The following INVS variants were observed in gnomAD, a reference collection of about 807,000 sequenced individuals.
INVS encodes the protein inversin, also known as inversion of embryo turning homolog.
Under a neutral mutation model 108.8 loss-of-function variants are expected in INVS, and 86 were observed. That is an observed-to-expected ratio of 0.79 (90% CI 0.66 to 0.95). INVS has a LOEUF of 0.95. Among genes scored for constraint, INVS ranks in the 40% least tolerant of loss-of-function variants. The probability of loss-of-function intolerance (pLI) is 0.00; values close to 1 mark genes in which losing one functional copy is unlikely to be tolerated. For missense variants in INVS, 1,169 were observed against 1,297.4 expected (o/e 0.90, Z 1.52); for synonymous variants, 455 against 473.5 (o/e 0.96, Z 0.51).
chr9:100,164,667 G>C (rs1829302214), intron 3 of INVS, among the ~76,000 whole-genome samples: 1 of 151,950 alleles, frequency 6.6e-6, no homozygotes. Context: ...AATCATGATA[G>C]TACTTTTCAA....
At chr9:100,245,507 C>G (rs1266807944) in intron 7 of INVS, among the ~76,000 whole-genome samples, 1 of 152,072 alleles carries the variant, frequency 6.6e-6, no homozygotes, top group Non-Finnish European at 1.5e-5. Flanking sequence ...CTGTCAATCT[C>G]CTGACCTTGT....
intron 3 of INVS, among the ~76,000 whole-genome samples, chr9:100,192,083 C>T (rs897987200): frequency 6.6e-6 from 1 of 152,026 alleles, no homozygotes; most frequent in African/African-American, 2.4e-5. Context: ...CCGCAGCCCA[C>T]CATTTCTTTC....
chr9:100,297,585 C>T (rs1564195696), intron 15 of INVS, among the ~76,000 whole-genome samples: 1 of 152,180 alleles, frequency 6.6e-6, no homozygotes, highest in Non-Finnish European at 1.5e-5. Context: ...AACACCCATG[C>T]ACTATAGTAA....
chr9:100,133,878 C>G (rs940575111), intron 3 of INVS, among the ~76,000 whole-genome samples: 2 of 151,238 alleles, frequency 1.3e-5, no homozygotes, highest in African/African-American at 4.9e-5. Flanking sequence ...CCTCTTTCTA[C>G]TAGAAGACAT....
chr9:100,278,255 A>AAT (rs1317493854), intron 12 of INVS, among the ~76,000 whole-genome samples: 2 of 150,158 alleles, frequency 1.3e-5, no homozygotes, highest in Admixed American at 6.6e-5. Context: ...AAAAAAAAAA[A>AAT]TTTATGTGAG....
chr9:100,100,553 A>C (rs1019316929), intron 1 of INVS, among the ~76,000 whole-genome samples: 13 of 122,896 alleles, frequency 1.1e-4, no homozygotes, highest in Non-Finnish European at 2.1e-4. Context: ...AGTGCTAAGA[A>C]TTATGAAGTA....
intron 3 of INVS, among the ~76,000 whole-genome samples, chr9:100,165,840 A>AT (rs972662452): frequency 2.0e-5 from 3 of 151,924 alleles, no homozygotes; most frequent in South Asian, 2.1e-4. Flanking sequence ...TCATTTCTAT[A>AT]TTTTTTGTTT....
At chr9:100,155,255 C>G (rs1828938282) in intron 3 of INVS, among the ~76,000 whole-genome samples, 2 of 151,860 alleles carry the variant, frequency 1.3e-5, no homozygotes, top group Non-Finnish European at 2.9e-5. Context: ...GATTGATAGA[C>G]AAATAAAACA....
chr9:100,262,951 G>GT (rs1832676483), intron 10 of INVS, among the ~76,000 whole-genome samples: 2 of 152,030 alleles, frequency 1.3e-5, no homozygotes, highest in Non-Finnish European at 2.9e-5. Flanking sequence ...GTTTCACCAT[G>GT]TTGCCCACGG....
chr9:100,175,430 G>C, intron 3 of INVS: 2 of 909,678 alleles, frequency 2.2e-6, no homozygotes, highest in Admixed American at 1.8e-5. Context: ...AGAAACAGAT[G>C]ACCAGAACTG....
At chr9:100,185,034 T>C (rs919358969) in intron 3 of INVS, among the ~76,000 whole-genome samples, 3 of 152,162 alleles carry the variant, frequency 2.0e-5, no homozygotes, top group African/African-American at 7.2e-5. Flanking sequence ...AAGATGTAAA[T>C]AGATGTTGGT....
chr9:100,298,350 A>G lies in INVS; in HGVS notation c.3091+340A>G, dbSNP rs568913546. Reference sequence around the variant, plus strand: ...AATCCTTGTTCCATTTTGGTGTCACACTATGATCCCCTATTTCCTTCTCCA... The same window carrying G: ...AATCCTTGTTCCATTTTGGTGTCACGCTATGATCCCCTATTTCCTTCTCCA... On this transcript the variant is annotated intron_variant, in intron 16 of 16. Coordinates refer to ENST00000262457, the MANE Select transcript of INVS (RefSeq NM_014425.5). 2.5e-4 allele frequency: 241 copies of G among 982,680 alleles called. No individual in the cohort carries two copies. The African/African-American group carries it at 3.9e-3, about 16-fold the overall frequency. 60.9% of individuals were successfully genotyped at this position (982,680 alleles called of 1,614,324 possible).
intron 3 of INVS, among the ~76,000 whole-genome samples, chr9:100,182,333 A>T (rs1333775847): frequency 1.3e-5 from 2 of 152,226 alleles, no homozygotes; most frequent in Non-Finnish European, 2.9e-5. Context: ...CAGGCAACCT[A>T]TAAAATGGGA....
At chr9:100,235,091 T>C (rs904324851) in intron 5 of INVS, among the ~76,000 whole-genome samples, 2 of 152,216 alleles carry the variant, frequency 1.3e-5, no homozygotes, top group African/African-American at 4.8e-5. Context: ...GCTCTTCTTG[T>C]TATATTGATC....
chr9:100,250,322 C>T (rs1832189306), intron 8 of INVS, among the ~76,000 whole-genome samples: 1 of 152,102 alleles, frequency 6.6e-6, no homozygotes, highest in African/African-American at 2.4e-5. Context: ...TTTTATTTAA[C>T]CACGATTCAT....
chr9:100,108,654 C>T (rs1305460429), intron 2 of INVS, among the ~76,000 whole-genome samples: 2 of 152,132 alleles, frequency 1.3e-5, no homozygotes, highest in East Asian at 3.9e-4. Flanking sequence ...TCCTTGTTCA[C>T]CAACTGCTCA....
intron 12 of INVS, among the ~76,000 whole-genome samples, chr9:100,274,442 A>C (rs1180819703): frequency 6.6e-6 from 1 of 152,258 alleles, no homozygotes; most frequent in Non-Finnish European, 1.5e-5. Flanking sequence ...AGTATTTCAA[A>C]TAGCAGCAGT....
Position 100,240,987 on chromosome 9 carries a change from A to G in INVS, c.796+747A>G, listed in dbSNP as rs116895371. 4.0e-3 allele frequency among the ~76,000 whole-genome samples: 613 copies of G among 152,304 alleles called. 1 individual carries two copies. Among genetic ancestry groups the G allele is most frequent in the Non-Finnish European group, 6.7e-3 (457 of 67,998 alleles). The stretch of plus-strand genomic sequence containing the variant: ...TTTATCAAAAACTTTTTAAAGCCTG[A>G]ATCAGAGTCAAGAGCAAAAATGCAT... On this transcript the variant is annotated intron_variant, in intron 6 of 16. Coordinates refer to ENST00000262457, the MANE Select transcript of INVS (RefSeq NM_014425.5).
At chr9:100,112,665 TAAA>T (rs879870642) in intron 2 of INVS, among the ~76,000 whole-genome samples, 1 of 126,714 alleles carries the variant, frequency 7.9e-6, no homozygotes. Context: ...GCTGATGAGC[TAAA>T]AAAAAAAAAA....
Sources: gnomAD v4.1 joint callset for allele counts (sites outside exome capture counted in the v4.1 genomes callset) on GRCh38, gnomAD v4.1.1 for gene constraint, MANE v1.5 for transcripts, NCBI Gene and HGNC (gene_info 2026-07-23, HGNC 2026-07-21) for gene names.